Variants in ATP8B4 observed in about 807,000 individuals in gnomAD.
ATP8B4 encodes ATPase phospholipid transporting 8B4 (putative).
ATP8B4 carries 133 observed loss-of-function variants against 145.6 expected under a neutral mutation model. The observed-to-expected ratio is 0.91, with a 90% confidence interval of 0.79 to 1.05. ATP8B4 has a LOEUF of 1.05. Ranked by LOEUF, ATP8B4 falls within the 50% of genes least tolerant of loss-of-function variation. The pLI is 0.00. For synonymous variants in ATP8B4, 507 were observed against 492.9 expected, an observed-to-expected ratio of 1.03 and a Z score of -0.38; for missense variants, 1,458 against 1,425.2, an observed-to-expected ratio of 1.02 and a Z score of -0.37.
chr15:50,067,563 C>A (rs537302909), intron 3 of ATP8B4, among the ~76,000 whole-genome samples: 78 of 152,306 alleles, frequency 5.1e-4, no homozygotes, highest in Middle Eastern at 3.4e-3. Flanking sequence ...TTACAGGCCA[C>A]ATCACAAAAT....
chr15:49,972,894 G>C lies in ATP8B4; in HGVS notation c.1035-104C>G, dbSNP rs554718892. The C allele has an allele frequency of 7.8e-5, 88 of 1,134,256 alleles. No individual in the cohort carries two copies. The South Asian group carries it at 1.3e-3, about 17-fold the overall frequency. The allele number at this position is 1,134,256 out of a possible 1,614,324, so 70.3% of individuals were successfully genotyped here. ...AGTCTGCCAAAGTCTCCAGGGGTTA[G>C]AGGAAAATGTGGATGCTCTGTCCCT... On this transcript the variant is annotated intron_variant, in intron 12 of 27. Coordinates refer to ENST00000284509, the MANE Select transcript of ATP8B4 (RefSeq NM_024837.4).
At chr15:49,886,645 CT>C (rs2036222913) in intron 23 of ATP8B4, among the ~76,000 whole-genome samples, 1 of 152,130 alleles carries the variant, frequency 6.6e-6, no homozygotes, top group Non-Finnish European at 1.5e-5. Flanking sequence ...TTCATGAATA[CT>C]TAATTATTTC....
At chr15:50,048,868 C>G (rs79839442) in intron 3 of ATP8B4, among the ~76,000 whole-genome samples, 10,678 of 152,162 alleles carry the variant, frequency 0.07, 426 homozygotes, top group Non-Finnish European at 0.092. Context: ...CAGCAATGAG[C>G]AGGGCCACCA....
chr15:50,103,163 A>T (rs900647071), intron 2 of ATP8B4, among the ~76,000 whole-genome samples: 5 of 152,182 alleles, frequency 3.3e-5, no homozygotes, highest in Non-Finnish European at 7.4e-5. Context: ...AGTTGAAAGC[A>T]TTCCCCCTGA....
At chr15:50,175,602 C>G (rs539853655) in intron 1 of ATP8B4, among the ~76,000 whole-genome samples, 2 of 152,222 alleles carry the variant, frequency 1.3e-5, no homozygotes, top group Admixed American at 1.3e-4. Context: ...AAAAAATGCT[C>G]AACATCACTA....
At chr15:50,083,740 G>C (rs2054710465) in intron 2 of ATP8B4, among the ~76,000 whole-genome samples, 1 of 152,116 alleles carries the variant, frequency 6.6e-6, no homozygotes, top group African/African-American at 2.4e-5. Context: ...AATACGTATT[G>C]GTTTCTGCAT....
intron 2 of ATP8B4, among the ~76,000 whole-genome samples, chr15:50,096,890 C>A (rs1486131044): frequency 1.3e-5 from 2 of 152,108 alleles, no homozygotes; most frequent in Non-Finnish European, 2.9e-5. Context: ...GGAAACAGAA[C>A]CCCAAAGTTA....
chr15:49,985,499 G>A (rs140694056), intron 10 of ATP8B4, among the ~76,000 whole-genome samples: 28 of 152,298 alleles, frequency 1.8e-4, no homozygotes, highest in African/African-American at 6.0e-4. Flanking sequence ...CTCCGACACG[G>A]ACGAAGCCAA....
chr15:49,914,053 C>T (rs2039497006), intron 20 of ATP8B4, among the ~76,000 whole-genome samples: 1 of 152,114 alleles, frequency 6.6e-6, no homozygotes, highest in Non-Finnish European at 1.5e-5. Context: ...AAGCTGGAGG[C>T]ATCACACTAC....
At chr15:50,090,797 G>T (rs2055561591) in intron 2 of ATP8B4, among the ~76,000 whole-genome samples, 2 of 151,930 alleles carry the variant, frequency 1.3e-5, no homozygotes, top group African/African-American at 2.4e-5. Flanking sequence ...TGTGTTACCA[G>T]GGCTGGTCTC....
chr15:50,096,005 T>A (rs555618710), intron 2 of ATP8B4, among the ~76,000 whole-genome samples: 32 of 152,304 alleles, frequency 2.1e-4, no homozygotes, highest in African/African-American at 7.7e-4. Context: ...GTATAATGTT[T>A]AGGAAAGATT....
chr15:50,057,644 G>A (rs1173111469), intron 3 of ATP8B4, among the ~76,000 whole-genome samples: 1 of 152,164 alleles, frequency 6.6e-6, no homozygotes, highest in Non-Finnish European at 1.5e-5. Flanking sequence ...CTAGACCCCA[G>A]GAACAGAGAT....
At chr15:49,972,875 C>T in intron 12 of ATP8B4, 85 bp from the exon 13 acceptor site, 1 of 1,358,404 alleles carries the variant, frequency 7.4e-7, no homozygotes, top group Non-Finnish European at 1.0e-6. Context: ...AAGAAGTCTG[C>T]CAAAGTCTCC....
intron 2 of ATP8B4, among the ~76,000 whole-genome samples, chr15:50,076,869 T>C (rs1471038129): frequency 6.6e-6 from 1 of 152,222 alleles, no homozygotes. Context: ...AACCTGACTA[T>C]GCTACACCTG....
At chr15:50,078,866 GA>G (rs2054358327) in intron 2 of ATP8B4, among the ~76,000 whole-genome samples, 1 of 152,060 alleles carries the variant, frequency 6.6e-6, no homozygotes, top group Non-Finnish European at 1.5e-5. Context: ...CAGTTTTAAA[GA>G]AAAATATTTT....
chr15:50,139,191 T>C (rs1473673652), intron 1 of ATP8B4, among the ~76,000 whole-genome samples: 1 of 152,170 alleles, frequency 6.6e-6, no homozygotes, highest in Admixed American at 6.5e-5. Context: ...CCAACCCAAA[T>C]GCCCATCAAT....
chr15:50,086,718 TAAAA>T (rs1471414475), intron 2 of ATP8B4, among the ~76,000 whole-genome samples: 1 of 80,472 alleles, frequency 1.2e-5, no homozygotes, highest in Non-Finnish European at 2.1e-5. Context: ...TTATATATAA[TAAAA>T]TAATATAGAG....
intron 20 of ATP8B4, chr15:49,901,967 C>T (rs2038088658): frequency 7.9e-6 from 2 of 254,402 alleles, no homozygotes; most frequent in Non-Finnish European, 1.6e-5. Context: ...AGCAATCCTG[C>T]TCACATCCCA....
intron 6 of ATP8B4, among the ~76,000 whole-genome samples, chr15:50,019,389 C>T (rs1464000731): frequency 6.6e-6 from 1 of 152,162 alleles, no homozygotes; most frequent in Non-Finnish European, 1.5e-5. Flanking sequence ...TGTCTTTATT[C>T]AGAAAACTGA....
Sources: allele counts gnomAD v4.1 joint callset (sites outside exome capture counted in the v4.1 genomes callset), GRCh38; gene constraint gnomAD v4.1.1; transcripts MANE v1.5; gene names NCBI Gene and HGNC (gene_info 2026-07-23, HGNC 2026-07-21).